MMS22L: variants seen among roughly 807,000 people sequenced by gnomAD.
The protein encoded by MMS22L is MMS22 like, DNA repair protein, also known as protein MMS22-like.
Under a neutral mutation model 159.1 loss-of-function variants are expected in MMS22L, and 74 were observed. That is an observed-to-expected ratio of 0.47 (90% CI 0.39 to 0.56). The LOEUF is 0.56. MMS22L is among the 20% of genes least tolerant of loss of function. The pLI, the probability that MMS22L is intolerant of heterozygous loss-of-function variation, is 0.00. For missense variants in MMS22L, 1,351 were observed against 1,422.1 expected, an observed-to-expected ratio of 0.95 and a Z score of 0.80; for synonymous variants, 517 against 506.9, an observed-to-expected ratio of 1.02 and a Z score of -0.27.
At chr6:97,282,695 G>T in intron 1 of MMS22L, 142 bp from the exon 2 acceptor site, 1 of 504,940 alleles carries the variant, frequency 2.0e-6, no homozygotes, top group East Asian at 3.6e-5. Flanking sequence ...GTCCATCAAG[G>T]CTGTCAGAAC....
rs548508541 is a variant in MMS22L at position 97,211,308 on chromosome 6, G to A, written c.2039+17586C>T. On this transcript the variant is annotated intron_variant, in intron 14 of 24. Transcript: ENST00000683635. ...TGGGGCCAATATATTTGCAACATAC[G>A]TAATGTATAGAAGATTGATGTATTT... is the stretch of plus-strand genomic sequence containing the variant. Among the ~76,000 whole-genome samples, 17 of 152,048 alleles carry A rather than the reference G, an allele frequency of 1.1e-4. No homozygotes were observed. The East Asian group carries it at 2.3e-3, about 21-fold the overall frequency.
At chr6:97,150,048 T>C in intron 23 of MMS22L, 28 bp from the exon 24 acceptor site, 1 of 1,601,388 alleles carries the variant, frequency 6.2e-7, no homozygotes, top group Non-Finnish European at 8.5e-7. Flanking sequence ...TTATTTAGGA[T>C]TACTCCTGGG....
chr6:97,263,024 T>G (rs1814665068), intron 9 of MMS22L, among the ~76,000 whole-genome samples: 1 of 152,210 alleles, frequency 6.6e-6, no homozygotes, highest in African/African-American at 2.4e-5. Flanking sequence ...ACTAAAATGT[T>G]TTCTAGGTTA....
intron 11 of MMS22L, among the ~76,000 whole-genome samples, chr6:97,239,323 T>C (rs949376729): frequency 1.3e-5 from 2 of 152,186 alleles, no homozygotes; most frequent in African/African-American, 4.8e-5. Context: ...ATAACCTTTA[T>C]AAAACTAAAA....
chr6:97,268,190 C>CTT (rs529896058), intron 7 of MMS22L, among the ~76,000 whole-genome samples, 188 bp from the exon 8 acceptor site: 24 of 136,708 alleles, frequency 1.8e-4, no homozygotes, highest in South Asian at 4.6e-4. Context: ...TCAAAAGTTT[C>CTT]TTTTTTTTTT....
In MMS22L at chr6:97,167,500, C is replaced by T. The variant is rs148618968; in HGVS notation, c.3009+571G>A. ...TCTTACATATGACCACCAGAATCAT[C>T]TTTCTAAAATGTAAATATCATTATG... On this transcript the variant is annotated intron_variant, in intron 20 of 24. Coordinates refer to ENST00000683635, the MANE Select transcript of MMS22L (RefSeq NM_001350599.2). 3.3e-3 allele frequency among the ~76,000 whole-genome samples: 505 copies of T among 152,228 alleles called. 2 individuals are homozygous for T. Among genetic ancestry groups the T allele is most frequent in the African/African-American group, 0.012 (487 of 41,536 alleles).
At chr6:97,223,923 T>A (rs77574842) in intron 14 of MMS22L, among the ~76,000 whole-genome samples, 1 of 152,322 alleles carries the variant, frequency 6.6e-6, no homozygotes, top group African/African-American at 2.4e-5. Flanking sequence ...CTATTTTTAT[T>A]CATACATTGA....
chr6:97,180,627 T>C lies in MMS22L; in HGVS notation c.2385-1068A>G, dbSNP rs796240468. On this transcript the variant is annotated intron_variant, in intron 16 of 24. Coordinates refer to ENST00000683635, the MANE Select transcript of MMS22L (RefSeq NM_001350599.2). ...ACCTTATAACTTTCCCAAAGCTATA[T>C]AGCACCTTTGCATTTCAGTTTCTTC... is the stretch of plus-strand genomic sequence containing the variant. 2.8e-4 allele frequency among the ~76,000 whole-genome samples: 43 copies of C among 152,352 alleles called. 1 individual carries two copies. The highest frequency in any genetic ancestry group is 6.8e-3 in the Middle Eastern group (2 of 294).
At chr6:97,150,824 G>C (rs1472160884) in intron 23 of MMS22L, among the ~76,000 whole-genome samples, 1 of 152,036 alleles carries the variant, frequency 6.6e-6, no homozygotes, top group Non-Finnish European at 1.5e-5. Flanking sequence ...GGCAGAGATA[G>C]GAATAATAAA....
Position 97,143,136 on chromosome 6 carries a change from C to T in MMS22L, c.*3670G>A, listed in dbSNP as rs1414778657. The T allele has an allele frequency of 6.6e-6, 1 of 152,436 alleles. No individual in the cohort carries two copies. The highest frequency in any genetic ancestry group is 1.9e-4 in the East Asian group (1 of 5,196). The allele number at this position is 152,436 out of a possible 1,614,324, so 9.4% of individuals were successfully genotyped here. A position where few individuals can be genotyped will look rare whatever the true frequency, so the allele number is the denominator to read the frequency against. Reference sequence around the variant, plus strand: ...TGCCTAATAAAGTCCTTTCATCACTCTGTTGTCCTTCAGTTGTCTTTTATA... The same window carrying T: ...TGCCTAATAAAGTCCTTTCATCACTTTGTTGTCCTTCAGTTGTCTTTTATA... On this transcript the variant is annotated 3_prime_UTR_variant, in exon 25 of 25. Coordinates refer to ENST00000683635, the MANE Select transcript of MMS22L (RefSeq NM_001350599.2).
At chr6:97,204,086 T>C (rs916622155) in intron 14 of MMS22L, among the ~76,000 whole-genome samples, 1 of 152,206 alleles carries the variant, frequency 6.6e-6, no homozygotes, top group Admixed American at 6.5e-5. Context: ...ATAGATTAAC[T>C]GATGCTCCGA....
At chr6:97,239,731 C>T (rs1386602521) in intron 11 of MMS22L, among the ~76,000 whole-genome samples, 1 of 152,114 alleles carries the variant, frequency 6.6e-6, no homozygotes, top group Non-Finnish European at 1.5e-5. Context: ...CTGGGAAACA[C>T]AGCAAGATCT....
At chr6:97,189,870 C>A (rs1805688750) in intron 14 of MMS22L, among the ~76,000 whole-genome samples, 1 of 152,102 alleles carries the variant, frequency 6.6e-6, no homozygotes, top group South Asian at 2.1e-4. Context: ...AAACCAGAAC[C>A]TAGTTGTTTA....
At chr6:97,200,183 T>C (rs908386142) in intron 14 of MMS22L, among the ~76,000 whole-genome samples, 1 of 152,068 alleles carries the variant, frequency 6.6e-6, no homozygotes, top group Admixed American at 6.6e-5. Context: ...ATTATGAAAA[T>C]CATCAAAAAG....
At chr6:97,212,031 A>T (rs1370677757) in intron 14 of MMS22L, among the ~76,000 whole-genome samples, 3 of 152,176 alleles carry the variant, frequency 2.0e-5, no homozygotes, top group Non-Finnish European at 2.9e-5. Flanking sequence ...CTCAGAGAAA[A>T]TTCTGTAAGT....
At chr6:97,180,019 T>A (rs973978651) in intron 16 of MMS22L, among the ~76,000 whole-genome samples, 2 of 152,140 alleles carry the variant, frequency 1.3e-5, no homozygotes, top group African/African-American at 4.8e-5. Flanking sequence ...AAAAATTACC[T>A]CACAAAGAAT....
intron 24 of MMS22L, among the ~76,000 whole-genome samples, chr6:97,148,009 T>C (rs538805328): frequency 6.6e-6 from 1 of 152,240 alleles, no homozygotes; most frequent in Non-Finnish European, 1.5e-5. Context: ...TGCATATGAT[T>C]ATAGTCATGC....
intron 14 of MMS22L, among the ~76,000 whole-genome samples, chr6:97,202,293 C>T (rs766628038): frequency 1.6e-4 from 25 of 152,182 alleles, no homozygotes; most frequent in Non-Finnish European, 3.2e-4. Flanking sequence ...CAAGTAGCTA[C>T]TCCTGTGCAC....
At chr6:97,252,934 AAC>A (rs1465512859) in intron 10 of MMS22L, among the ~76,000 whole-genome samples, 1 of 152,170 alleles carries the variant, frequency 6.6e-6, no homozygotes, top group African/African-American at 2.4e-5. Flanking sequence ...ACTCCACAAA[AAC>A]ACTTAATAAA....
Sources: allele counts gnomAD v4.1 joint callset (sites outside exome capture counted in the v4.1 genomes callset), GRCh38; gene constraint gnomAD v4.1.1; transcripts MANE v1.5; gene names NCBI Gene and HGNC (gene_info 2026-07-23, HGNC 2026-07-21).